Variants in ENTPD4 observed in about 807,000 individuals in gnomAD.
ENTPD4 encodes the protein ectonucleoside triphosphate diphosphohydrolase 4.
In ENTPD4, 60 loss-of-function variants were observed where a neutral mutation model predicts 79.1. The ratio of observed to expected loss-of-function variants is 0.76; its 90% CI spans 0.62 to 0.94. The LOEUF is 0.94. ENTPD4 is among the 40% of genes least tolerant of loss of function. The probability of loss-of-function intolerance (pLI) is 0.00; values close to 1 mark genes in which losing one functional copy is unlikely to be tolerated. For missense variants in ENTPD4, 772 were observed against 775.1 expected (o/e 1.00, Z 0.05); for synonymous variants, 276 against 292.0 (o/e 0.95, Z 0.56).
At chr8:23,448,677 G>T in intron 3 of ENTPD4, 65 bp downstream of exon 3, 1 of 1,338,104 alleles carries the variant, frequency 7.5e-7, no homozygotes, top group Non-Finnish European at 1.1e-6. Flanking sequence ...TGTTCCAGCA[G>T]CCTAAAACAG....
At chr8:23,452,878 T>A (rs1431227299) in intron 1 of ENTPD4, among the ~76,000 whole-genome samples, 3 of 152,222 alleles carry the variant, frequency 2.0e-5, no homozygotes, top group African/African-American at 7.2e-5. Context: ...GAGTATTTGC[T>A]TATCACAGCA....
At chr8:23,437,861 G>C (rs536362616) in intron 9 of ENTPD4, among the ~76,000 whole-genome samples, 1 of 152,308 alleles carries the variant, frequency 6.6e-6, no homozygotes, top group South Asian at 2.1e-4. Flanking sequence ...CCAAAGAAAG[G>C]ATGGAGTCTA....
Position 23,447,690 on chromosome 8 carries a change from C to A in ENTPD4, c.402G>T (p.Lys134Asn), listed in dbSNP as rs201911830. 6.2e-7 allele frequency: 1 copy of A among 1,613,782 alleles called. No homozygotes were observed. Among genetic ancestry groups the A allele is most frequent in the Admixed American group, 1.7e-5 (1 of 60,002 alleles). ...RDKNRKPVVMKIKPGISEFAT... is the reference protein window; with the variant it reads ...RDKNRKPVVMNIKPGISEFAT... The stretch of plus-strand genomic sequence containing the variant: ...TTCTCATTTACATACCCGGTTTTAT[C>A]TTCATGACCACTGGCTTTCGGTTTT... The change falls in exon 4 of 13, where the codon AAG becomes AAT. Residue 134 changes from lysine (K) to asparagine (N), a missense_variant. Coordinates refer to ENST00000358689, the MANE Select transcript of ENTPD4 (RefSeq NM_004901.5).
chr8:23,447,630 G>T (rs931453102), intron 4 of ENTPD4, 50 bp downstream of exon 4: 1 of 1,425,888 alleles, frequency 7.0e-7, no homozygotes, highest in Non-Finnish European at 9.9e-7. Context: ...ACGCCACAGA[G>T]AATGAAGGTA....
chr8:23,443,893 CAG>C lies in ENTPD4; in HGVS notation c.622_623del (p.Leu208ValfsTer3). 6.2e-7 allele frequency: 1 copy of C among 1,613,838 alleles called. No individual in the cohort carries two copies. The highest frequency in any genetic ancestry group is 8.5e-7 in the Non-Finnish European group (1 of 1,179,838). On this transcript the variant is annotated frameshift_variant, in exon 6 of 13. Transcript: ENST00000358689. LOFTEE classifies it high-confidence loss of function. ...TTACTTCTGCATGAGAGTCAGAAAA[CAG>C]AAAGTCAAAGTGCACGGGGATATCG... ...LTDIPVHFDFLFSDSHAEVIS... is the reference protein window; with the variant it reads ...LTDIPVHFDFXFSDSHAEVIS...
chr8:23,439,991 A>T, intron 8 of ENTPD4, 76 bp from the exon 9 acceptor site: 6 of 1,311,802 alleles, frequency 4.6e-6, no homozygotes, highest in Non-Finnish European at 6.5e-6. Flanking sequence ...GTCTAAAAAT[A>T]GTCTCATCTA....
intron 12 of ENTPD4, among the ~76,000 whole-genome samples, 157 bp from the exon 13 acceptor site, chr8:23,433,311 G>A (rs528723287): frequency 1.5e-3 from 230 of 152,332 alleles, no homozygotes; most frequent in Non-Finnish European, 2.9e-3. Flanking sequence ...AATGCAGGGG[G>A]CTTCTAAGTA....
In ENTPD4 at chr8:23,447,716, T is replaced by C; in HGVS notation, c.376A>G (p.Lys126Glu). The C allele has an allele frequency of 6.2e-7, 1 of 1,614,206 alleles. No homozygotes were observed. The part of the protein sequence containing the change: ...DLLDIRQMRD[K>E]NRKPVVMKIK... ...TTCATGACCACTGGCTTTCGGTTTT[T>C]ATCCCTCATTTGCCTGATATCCAAC... Residue 126 changes from lysine (K) to glutamate (E), a missense_variant, in exon 4 of 13, where the codon AAA (lysine) becomes GAA (glutamate). Coordinates refer to ENST00000358689, the MANE Select transcript of ENTPD4 (RefSeq NM_004901.5).
intron 11 of ENTPD4, chr8:23,434,733 C>T: frequency 7.7e-7 from 1 of 1,295,482 alleles, no homozygotes; most frequent in Non-Finnish European, 9.8e-7. Flanking sequence ...GTCATATATC[C>T]CTGAGATAGG....
Position 23,435,473 on chromosome 8 carries a change from T to C in ENTPD4, c.1379A>G (p.Tyr460Cys), listed in dbSNP as rs751080926. Residue 460 changes from tyrosine to cysteine, a missense_variant, in exon 11 of 13, where the codon TAT (tyrosine) becomes TGT (cysteine). Physicochemically the swap from Tyr to Cys is radical, Grantham distance 194. Transcript: ENST00000358689. ...AAKFTKAAKD[Y>C]CATKWSILRE... ...CAAAATGGACCACTTTGTTGCACAA[T>C]AATCCTGAAAACAAATTCACCAAAA... 2 of 1,613,064 alleles carry C rather than the reference T, an allele frequency of 1.2e-6. No individual in the cohort carries two copies. The highest frequency in any genetic ancestry group is 1.7e-4 in the Middle Eastern group (1 of 6,056).
chr8:23,444,076 A>G, intron 5 of ENTPD4, 123 bp from the exon 6 acceptor site: 1 of 599,266 alleles, frequency 1.7e-6, no homozygotes. Flanking sequence ...TGTATGAAAC[A>G]GTTAATTTTT....
chr8:23,431,247 A>T lies in ENTPD4; in HGVS notation c.*1679T>A. The T allele has an allele frequency of 1.4e-6, 1 of 721,552 alleles. No homozygotes were observed. Among genetic ancestry groups the T allele is most frequent in the Non-Finnish European group, 1.7e-6 (1 of 589,902 alleles). 44.7% of individuals were successfully genotyped at this position (721,552 alleles called of 1,614,324 possible). On this transcript the variant is annotated 3_prime_UTR_variant, in exon 13 of 13. Transcript: ENST00000358689. ...CAAACTCTCCCAGCCTCTGCCCAGT[A>T]CCTAGTTCCAAAGCCACTTTTATAA...
rs1021113360 is a variant in ENTPD4 at position 23,447,790 on chromosome 8, C to G, written c.302G>C (p.Arg101Pro). Residue 101 changes from arginine to proline, a missense_variant, in exon 4 of 13, where the codon CGA becomes CCA. Arg to Pro is a moderately radical substitution (Grantham distance 103). Coordinates refer to ENST00000358689, the MANE Select transcript of ENTPD4 (RefSeq NM_004901.5). ...CCTTGGCCAGCAGTAAACAAATACTCGAGACCCACTGCTACCACAGTCCAC... is the reference window on the plus strand; with the variant it reads ...CCTTGGCCAGCAGTAAACAAATACTGGAGACCCACTGCTACCACAGTCCAC... ...IVVDCGSSGS[R>P]VFVYCWPRHN... is the part of the protein sequence containing the mutation. 2.5e-6 allele frequency: 4 copies of G among 1,614,006 alleles called. No homozygotes were observed. The African/African-American group carries it at 5.3e-5, about 22-fold the overall frequency.
chr8:23,444,438 C>T lies in ENTPD4; in HGVS notation c.563+18G>A. ...TCCAGGAACCCACCCTCACCCTTGC[C>T]CTTCTGTGGAGGATCACCTTTCGGG... is the stretch of plus-strand genomic sequence containing the variant. On this transcript the variant is annotated intron_variant, in intron 5 of 12. Coordinates refer to ENST00000358689, the MANE Select transcript of ENTPD4 (RefSeq NM_004901.5). 1.2e-6 allele frequency: 2 copies of T among 1,610,670 alleles called. No homozygotes were observed. The highest frequency in any genetic ancestry group is 1.3e-5 in the African/African-American group (1 of 74,954).
At position 23,431,847 on chromosome 8, in the gene ENTPD4, G is replaced by A; in HGVS notation, c.*1079C>T. ...AATTTCCAATTCTTTCAAAACCACAGTGTTCTAATGCCACTGAAATATGGA... is the reference window on the plus strand; with the variant it reads ...AATTTCCAATTCTTTCAAAACCACAATGTTCTAATGCCACTGAAATATGGA... On this transcript the variant is annotated 3_prime_UTR_variant, in exon 13 of 13. Coordinates refer to ENST00000358689, the MANE Select transcript of ENTPD4 (RefSeq NM_004901.5). 1 of 985,430 alleles carries A rather than the reference G, an allele frequency of 1.0e-6. No homozygotes were observed. Among genetic ancestry groups the A allele is most frequent in the African/African-American group, 1.7e-5 (1 of 57,348 alleles). The allele number at this position is 985,430 out of a possible 1,614,324, so 61.0% of individuals were successfully genotyped here. A position where few individuals can be genotyped will look rare whatever the true frequency, so the allele number is the denominator to read the frequency against.
chr8:23,434,866 T>C (rs898894172), intron 11 of ENTPD4: 2 of 286,150 alleles, frequency 7.0e-6, no homozygotes. Context: ...AGCTCTGATA[T>C]TCTATGACTC....
chr8:23,432,917 T>C lies in ENTPD4; in HGVS notation c.*9A>G. Reference sequence around the variant, plus strand: ...TTCCTTTTGAGTCTTCGTGGAGCTGTGAGCTGGATCACAAGGTCCCCGGGG... The same window carrying C: ...TTCCTTTTGAGTCTTCGTGGAGCTGCGAGCTGGATCACAAGGTCCCCGGGG... On this transcript the variant is annotated 3_prime_UTR_variant, in exon 13 of 13. Coordinates refer to ENST00000358689, the MANE Select transcript of ENTPD4 (RefSeq NM_004901.5). 6.3e-7 allele frequency: 1 copy of C among 1,580,096 alleles called. No individual in the cohort carries two copies. Among genetic ancestry groups the C allele is most frequent in the Non-Finnish European group, 8.6e-7 (1 of 1,161,296 alleles).
At chr8:23,450,165 C>T (rs553090493) in intron 1 of ENTPD4, among the ~76,000 whole-genome samples, 168 bp from the exon 2 acceptor site, 2 of 152,346 alleles carry the variant, frequency 1.3e-5, no homozygotes, top group South Asian at 2.1e-4. Flanking sequence ...TAATTTCATA[C>T]TGTCCAATAT....
At position 23,430,207 on chromosome 8, in the gene ENTPD4, G is replaced by A. The variant is rs1201706253; in HGVS notation, c.*2719C>T. The A allele has an allele frequency of 1.0e-6, 1 of 985,360 alleles. No individual in the cohort carries two copies. Among genetic ancestry groups the A allele is most frequent in the African/African-American group, 1.7e-5 (1 of 57,242 alleles). The allele number at this position is 985,360 out of a possible 1,614,324, so 61.0% of individuals were successfully genotyped here. On this transcript the variant is annotated 3_prime_UTR_variant, in exon 13 of 13. Transcript: ENST00000358689. The stretch of plus-strand genomic sequence containing the variant: ...ACCTACGCGAGACCTTCTCTGGAAT[G>A]TGATTTGCTGCGACTGCAGACATCT...
Sources: gnomAD v4.1 joint callset for allele counts (sites outside exome capture counted in the v4.1 genomes callset) on GRCh38, gnomAD v4.1.1 for gene constraint, MANE v1.5 for transcripts, NCBI Gene and HGNC (gene_info 2026-07-23, HGNC 2026-07-21) for gene names.